Variants in IL1RAPL2 observed in about 807,000 individuals in gnomAD.
IL1RAPL2 encodes X-linked interleukin-1 receptor accessory protein-like 2.
IL1RAPL2 carries 3 observed loss-of-function variants against 44.1 expected under a neutral mutation model. The ratio of observed to expected loss-of-function variants is 0.07; its 90% CI spans 0.03 to 0.18. The LOEUF (loss-of-function observed/expected upper bound fraction) is 0.18, where lower values mean the gene tolerates loss of function less well. Ranked by LOEUF, IL1RAPL2 falls within the 10% of genes least tolerant of loss-of-function variation. The pLI, the probability that IL1RAPL2 is intolerant of heterozygous loss-of-function variation, is 1.00. For synonymous variants in IL1RAPL2, 181 were observed against 178.8 expected (o/e 1.01, Z -0.10); for missense variants, 391 against 496.4 (o/e 0.79, Z 2.02).
intron 2 of IL1RAPL2, among the ~76,000 whole-genome samples, chrX:104,866,926 CAA>C (rs1018011876): frequency 9.0e-6 from 1 of 110,902 alleles, no homozygotes; most frequent in Non-Finnish European, 1.9e-5. Flanking sequence ...TAGTATATAG[CAA>C]AGATTCCTCA....
At chrX:105,572,239 C>T (rs2037019369) in intron 6 of IL1RAPL2, among the ~76,000 whole-genome samples, 1 of 111,511 alleles carries the variant, frequency 9.0e-6, no homozygotes, top group Non-Finnish European at 1.9e-5. Context: ...AAATTATTTA[C>T]AAGAAACTTT....
chrX:105,753,117 A>G, intron 9 of IL1RAPL2: 1 of 294,676 alleles, frequency 3.4e-6, no homozygotes, highest in Non-Finnish European at 6.6e-6. Context: ...CTGCAATATC[A>G]GAATATAGGT....
intron 2 of IL1RAPL2, among the ~76,000 whole-genome samples, chrX:104,897,532 A>G (rs1055110412): frequency 8.9e-6 from 1 of 112,251 alleles, no homozygotes; most frequent in Admixed American, 9.4e-5. Context: ...AAATTCAAGG[A>G]GAGAGGATAT....
At chrX:104,735,143 G>A (rs896153165) in intron 2 of IL1RAPL2, among the ~76,000 whole-genome samples, 1 of 111,563 alleles carries the variant, frequency 9.0e-6, no homozygotes, top group African/African-American at 3.2e-5. Context: ...ACAAAAGAAT[G>A]GGGGCTTCAG....
At chrX:105,549,528 T>G (rs978540353) in intron 6 of IL1RAPL2, among the ~76,000 whole-genome samples, 2 of 111,281 alleles carry the variant, frequency 1.8e-5, no homozygotes, top group Non-Finnish European at 3.8e-5. Context: ...TACAGAGAAC[T>G]GTTGTACCCA....
intron 1 of IL1RAPL2, among the ~76,000 whole-genome samples, chrX:104,631,413 C>T (rs1383799238): frequency 3.6e-5 from 4 of 111,865 alleles, no homozygotes; most frequent in Non-Finnish European, 3.8e-5. Context: ...GGAATCGCCA[C>T]ACTGACTTCC....
chrX:105,273,089 AATCT>A (rs1402784271), intron 5 of IL1RAPL2, among the ~76,000 whole-genome samples: 1 of 111,531 alleles, frequency 9.0e-6, no homozygotes, highest in African/African-American at 3.3e-5. Context: ...TAACAGATGT[AATCT>A]CTAAGCCAGC....
intron 6 of IL1RAPL2, among the ~76,000 whole-genome samples, chrX:105,489,871 G>A (rs756927338): frequency 4.0e-5 from 4 of 100,205 alleles, no homozygotes; most frequent in South Asian, 5.4e-4. Flanking sequence ...TCTGTCACAC[G>A]GGGTAGAGTG....
chrX:104,942,374 C>T (rs993103986), intron 2 of IL1RAPL2, among the ~76,000 whole-genome samples: 2 of 111,213 alleles, frequency 1.8e-5, no homozygotes, highest in African/African-American at 6.5e-5. Context: ...CTTTTATTTC[C>T]TTGATCAGTG....
At position 105,300,762 on chromosome X, in the gene IL1RAPL2, TTAGTAAG is replaced by T. The variant is rs1422975300; in HGVS notation, c.697+33225_697+33231del. Among the ~76,000 whole-genome samples the T allele has an allele frequency of 4.5e-5, 5 of 110,999 alleles. No homozygotes were observed. The East Asian group carries it at 1.4e-3, about 32-fold the overall frequency. On this transcript the variant is annotated intron_variant, in intron 5 of 10. Coordinates refer to ENST00000372582, the MANE Select transcript of IL1RAPL2 (RefSeq NM_017416.2). ...TTAAAAGCTGAGTTGGTGGAAAAAT[TTAGTAAG>T]TAGCTGAGTGGCAAAGGATCCTAGT...
intron 6 of IL1RAPL2, among the ~76,000 whole-genome samples, chrX:105,568,988 G>T (rs1245878370): frequency 9.0e-6 from 1 of 110,772 alleles, no homozygotes; most frequent in Non-Finnish European, 1.9e-5. Flanking sequence ...TTTTATGAAA[G>T]GTCAAATATC....
chrX:105,722,722 T>A (rs759431624), intron 7 of IL1RAPL2, among the ~76,000 whole-genome samples: 10 of 111,599 alleles, frequency 9.0e-5, no homozygotes, highest in African/African-American at 3.3e-4. Context: ...AGGACATTGT[T>A]AAAAAATACC....
chrX:105,335,779 G>A (rs2035023970), intron 5 of IL1RAPL2, among the ~76,000 whole-genome samples: 1 of 111,008 alleles, frequency 9.0e-6, no homozygotes, highest in Non-Finnish European at 1.9e-5. Context: ...GTGGTGAAAG[G>A]GCTGAAAATA....
chrX:105,213,558 G>A (rs1378782982), intron 3 of IL1RAPL2, among the ~76,000 whole-genome samples: 1 of 110,983 alleles, frequency 9.0e-6, no homozygotes, highest in Non-Finnish European at 1.9e-5. Context: ...CACACTTCAG[G>A]ACATTATCCA....
intron 5 of IL1RAPL2, among the ~76,000 whole-genome samples, chrX:105,447,563 ATATATAAACATAAATATATATT>A (rs1360089599): frequency 1.3e-5 from 1 of 78,087 alleles, no homozygotes; most frequent in Non-Finnish European, 2.2e-5. Flanking sequence ...ATAAATATAA[ATATATAAACATAAATATATATT>A]TATATAAATA....
chrX:105,308,941 T>C (rs991484714), intron 5 of IL1RAPL2, among the ~76,000 whole-genome samples: 1 of 111,332 alleles, frequency 9.0e-6, no homozygotes, highest in African/African-American at 3.3e-5. Context: ...CATTCCCACA[T>C]TGGGTGTTCT....
At chrX:105,236,419 C>T (rs6523832) in intron 4 of IL1RAPL2, among the ~76,000 whole-genome samples, 23,424 of 111,711 alleles carry the variant, frequency 0.21, 5,005 homozygotes, top group African/African-American at 0.66. Context: ...CTAACATTTC[C>T]TAAGTACTTA....
intron 2 of IL1RAPL2, among the ~76,000 whole-genome samples, chrX:104,907,750 G>T (rs1435292599): frequency 1.8e-5 from 2 of 110,338 alleles, no homozygotes; most frequent in African/African-American, 6.6e-5. Flanking sequence ...GAATAGGTGT[G>T]GTGTGGTGCT....
intron 6 of IL1RAPL2, among the ~76,000 whole-genome samples, chrX:105,645,441 T>C (rs933995921): frequency 8.9e-6 from 1 of 112,154 alleles, no homozygotes; most frequent in African/African-American, 3.2e-5. Context: ...ATGTCTAATC[T>C]TAGCTACGGG....
Sources: allele counts gnomAD v4.1 joint callset (sites outside exome capture counted in the v4.1 genomes callset), GRCh38; gene constraint gnomAD v4.1.1; transcripts MANE v1.5; gene names NCBI Gene and HGNC (gene_info 2026-07-23, HGNC 2026-07-21).